Variants in CRIP1 observed in about 807,000 individuals in gnomAD.
The protein encoded by CRIP1 is cysteine-rich protein 1.
A neutral mutation model predicts 12.9 loss-of-function variants in CRIP1; 11 were observed. That is an observed-to-expected ratio of 0.86 (90% CI 0.54 to 1.42). The LOEUF is 1.42. Among genes scored for constraint, CRIP1 ranks in the 40% most tolerant of loss-of-function variants. CRIP1 has a pLI of 0.00. For missense variants in CRIP1, 122 were observed against 101.3 expected, an observed-to-expected ratio of 1.20 and a Z score of -0.88; for synonymous variants, 41 against 37.2, an observed-to-expected ratio of 1.10 and a Z score of -0.37.
In CRIP1 at chr14:105,487,295, C is replaced by G; in HGVS notation, c.36C>G (p.Tyr12Ter). The change falls in exon 2 of 6, where the codon TAC (tyrosine) becomes TAG (stop). Residue 12 changes from tyrosine to a stop codon, truncating the protein, a stop_gained. Transcript: ENST00000392531. LOFTEE classifies it high-confidence loss of function. ...PKCPKCNKEV[Y>*]FAERVTSLGK... is the part of the protein sequence containing the mutation. ...GTCCCAAGTGCAACAAGGAGGTGTA[C>G]TTCGGTGAGCGCGCCCACACCGGCC... The G allele has an allele frequency of 6.5e-7, 1 of 1,543,296 alleles. No individual in the cohort carries two copies. The highest frequency in any genetic ancestry group is 8.7e-7 in the Non-Finnish European group (1 of 1,144,038).
At chr14:105,488,086 C>T in intron 2 of CRIP1, 80 bp from the exon 3 acceptor site, 1 of 1,475,188 alleles carries the variant, frequency 6.8e-7, no homozygotes, top group Non-Finnish European at 9.3e-7. Context: ...GCAGAGCTGG[C>T]TGCAAGAGGC....
In CRIP1 at chr14:105,486,917, C is replaced by G; in HGVS notation, c.-117C>G. The G allele has an allele frequency of 8.9e-7, 1 of 1,122,086 alleles. No individual in the cohort carries two copies. The highest frequency in any genetic ancestry group is 1.1e-6 in the Non-Finnish European group (1 of 916,820). The allele number at this position is 1,122,086 out of a possible 1,614,324, so 69.5% of individuals were successfully genotyped here. A position where few individuals can be genotyped will look rare whatever the true frequency, so the allele number is the denominator to read the frequency against. On this transcript the variant is annotated 5_prime_UTR_variant, in exon 1 of 6. It adds an upstream start codon to the 5' untranslated region. Coordinates refer to ENST00000392531, the MANE Select transcript of CRIP1 (RefSeq NM_001311.5). ...CCTCGGAACTGGACCCGGGAGACAT[C>G]ACAGCGCTGGGCTAGGGGCGCGGCT...
Position 105,488,027 on chromosome 14 carries a change from G to A in CRIP1, c.41-139G>A, listed in dbSNP as rs587747471. The A allele has an allele frequency of 9.7e-5, 75 of 774,824 alleles. No homozygotes were observed. In the African/African-American group the frequency reaches 1.1e-3, roughly 12 times the overall value. The allele number at this position is 774,824 out of a possible 1,614,324, so 48.0% of individuals were successfully genotyped here. ...CTCATGGAGGGTGCTGAGACCTTAG[G>A]GTGGGCTGCCAGGCTGGGCGGATGC... On this transcript the variant is annotated intron_variant, in intron 2 of 5. Transcript: ENST00000392531.
intron 2 of CRIP1, chr14:105,487,547 C>T: frequency 2.1e-6 from 1 of 483,438 alleles, no homozygotes; most frequent in South Asian, 3.2e-5. Context: ...GCCTCCCCGT[C>T]TCTGGGTCCT....
Position 105,488,251 on chromosome 14 carries a change from C to A in CRIP1, c.126C>A (p.Gly42=), listed in dbSNP as rs2084143592. ...GTGGGAAGACGCTGACCTCTGGGGG[C>A]CACGCTGAGGTAGGTGGGACCCACC... is the stretch of plus-strand genomic sequence containing the variant. ...EKCGKTLTSG[G]HAEHEGKPYC... is the part of the protein sequence containing the mutation. The change falls in exon 3 of 6, where the codon GGC becomes GGA. Residue 42 remains glycine (G), a synonymous_variant. Transcript: ENST00000392531. The A allele has an allele frequency of 6.2e-7, 1 of 1,613,340 alleles. No homozygotes were observed. Among genetic ancestry groups the A allele is most frequent in the Non-Finnish European group, 8.5e-7 (1 of 1,180,022 alleles).
intron 1 of CRIP1, 73 bp downstream of exon 1, chr14:105,487,045 G>C: frequency 1.5e-6 from 2 of 1,359,040 alleles, no homozygotes; most frequent in South Asian, 3.5e-5. Flanking sequence ...GAAGGCGGGG[G>C]TGGACCAGAT....
rs1555438469 is a variant in CRIP1, at chr14:105,488,266, T to C, written c.135+6T>C. On this transcript the variant is annotated splice_donor_region_variant and intron_variant, in intron 3 of 5. Coordinates refer to ENST00000392531, the MANE Select transcript of CRIP1 (RefSeq NM_001311.5). The stretch of plus-strand genomic sequence containing the variant: ...CCTCTGGGGGCCACGCTGAGGTAGG[T>C]GGGACCCACCCTGGTGGCAGGGGCC... The C allele has an allele frequency of 1.9e-6, 3 of 1,613,418 alleles. No homozygotes were observed. The highest frequency in any genetic ancestry group is 2.5e-6 in the Non-Finnish European group (3 of 1,179,992).
Position 105,488,808 on chromosome 14 carries a change from C to T in CRIP1, c.*151C>T, listed in dbSNP as rs996170305. The T allele has an allele frequency of 8.1e-6, 4 of 493,436 alleles. No homozygotes were observed. Among genetic ancestry groups the T allele is most frequent in the African/African-American group, 3.8e-5 (2 of 52,192 alleles). The allele number at this position is 493,436 out of a possible 1,614,324, so 30.6% of individuals were successfully genotyped here. On this transcript the variant is annotated 3_prime_UTR_variant, in exon 6 of 6. Transcript: ENST00000392531. Reference sequence around the variant, plus strand: ...TGGAAAACCTGTGTGTGTACATGCGCGTGTGTGCTGGGGAGTGCCAAGGGA... The same window carrying T: ...TGGAAAACCTGTGTGTGTACATGCGTGTGTGTGCTGGGGAGTGCCAAGGGA...
intron 1 of CRIP1, 25 bp from the exon 2 acceptor site, chr14:105,487,174 C>T: frequency 1.3e-6 from 2 of 1,510,410 alleles, no homozygotes; most frequent in Admixed American, 2.2e-5. Context: ...CCCTGAAAGG[C>T]GCGGACCAGG....
At chr14:105,488,421 C>T (rs1555438540) in intron 4 of CRIP1, 33 bp downstream of exon 4, 4 of 1,606,342 alleles carry the variant, frequency 2.5e-6, no homozygotes, top group South Asian at 1.1e-5. Flanking sequence ...CCACCCCACC[C>T]CACAGCCTCC....
chr14:105,487,676 G>A, intron 2 of CRIP1: 1 of 205,982 alleles, frequency 4.9e-6, no homozygotes. Flanking sequence ...GGAAACCGAC[G>A]CCCGGGGCGC....
At chr14:105,488,111 T>G (rs1555438403) in intron 2 of CRIP1, 55 bp from the exon 3 acceptor site, 13 of 1,551,508 alleles carry the variant, frequency 8.4e-6, no homozygotes, top group Non-Finnish European at 9.7e-6. Flanking sequence ...ACGCCAGTGG[T>G]GGGTAGGCGC....
rs369446226 is a variant in CRIP1, at chr14:105,488,334, G to A, written c.139G>A (p.Glu47Lys). 53 of 1,613,408 alleles carry A rather than the reference G, an allele frequency of 3.3e-5. No individual in the cohort carries two copies. Among genetic ancestry groups the A allele is most frequent in the Non-Finnish European group, 3.7e-5 (44 of 1,180,014 alleles). Reference protein sequence around the residue: ...TLTSGGHAEHEGKPYCNHPCY... With the variant: ...TLTSGGHAEHKGKPYCNHPCY... Reference sequence around the variant, plus strand: ...CTCACGGCCCTTCTCTTTGCAGCACGAAGGCAAACCCTACTGCAACCACCC... The same window carrying A: ...CTCACGGCCCTTCTCTTTGCAGCACAAAGGCAAACCCTACTGCAACCACCC... The change falls in exon 4 of 6, where the codon GAA becomes AAA. Residue 47 changes from glutamate to lysine, a missense_variant. Physicochemically the swap from Glu to Lys is moderately conservative, Grantham distance 56. Transcript: ENST00000392531.
chr14:105,487,315 C>G lies in CRIP1; in HGVS notation c.40+16C>G, dbSNP rs1555438246. 1.9e-6 allele frequency: 3 copies of G among 1,538,684 alleles called. No homozygotes were observed. Among genetic ancestry groups the G allele is most frequent in the Non-Finnish European group, 2.6e-6 (3 of 1,141,816 alleles). ...GTGTACTTCGGTGAGCGCGCCCACA[C>G]CGGCCCCGCGAGGAGGCGCCGCCGA... On this transcript the variant is annotated intron_variant, in intron 2 of 5. Coordinates refer to ENST00000392531, the MANE Select transcript of CRIP1 (RefSeq NM_001311.5).
At position 105,486,972 on chromosome 14, in the gene CRIP1, A is replaced by T; in HGVS notation, c.-62A>T. 1 of 1,182,198 alleles carries T rather than the reference A, an allele frequency of 8.5e-7. No homozygotes were observed. The highest frequency in any genetic ancestry group is 1.0e-6 in the Non-Finnish European group (1 of 967,434). The allele number at this position is 1,182,198 out of a possible 1,614,324, so 73.2% of individuals were successfully genotyped here. On this transcript the variant is annotated splice_region_variant and 5_prime_UTR_variant, in exon 1 of 6. Coordinates refer to ENST00000392531, the MANE Select transcript of CRIP1 (RefSeq NM_001311.5). Reference sequence around the variant, plus strand: ...CTCGCCTAAAGAGCTGCGCCCTCTCAGTAAGTCCCCATGGCCCCCTGCCCC... The same window carrying T: ...CTCGCCTAAAGAGCTGCGCCCTCTCTGTAAGTCCCCATGGCCCCCTGCCCC...
At chr14:105,488,289 G>T (rs1555438476) in intron 3 of CRIP1, 29 bp downstream of exon 3, 5 of 1,613,378 alleles carry the variant, frequency 3.1e-6, no homozygotes, top group Non-Finnish European at 4.2e-6. Flanking sequence ...GGTGGCAGGG[G>T]CCAGGGGTGA....
rs1555438589 is a variant in CRIP1 at position 105,488,513 on chromosome 14, C to T, written c.*2C>T. 4.4e-6 allele frequency: 7 copies of T among 1,575,364 alleles called. No homozygotes were observed. In the East Asian group the frequency reaches 6.9e-5, roughly 16 times the overall value. The stretch of plus-strand genomic sequence containing the variant: ...GCCGAGAGCCACACTTTCAAGTAAA[C>T]CAGGTAGGTAGGACCCCACCCCCTA... On this transcript the variant is annotated 3_prime_UTR_variant, in exon 5 of 6. Transcript: ENST00000392531.
chr14:105,487,358 G>C (rs1354868018), intron 2 of CRIP1, 59 bp downstream of exon 2: 15 of 1,464,498 alleles, frequency 1.0e-5, no homozygotes, highest in African/African-American at 1.4e-5. Flanking sequence ...ACGAGGCTGG[G>C]GACCGCTCAG....
At chr14:105,488,569 G>C in intron 5 of CRIP1, 53 bp downstream of exon 5, 1 of 1,543,662 alleles carries the variant, frequency 6.5e-7, no homozygotes, top group Non-Finnish European at 8.8e-7. Flanking sequence ...CTCGGGATGG[G>C]GATGCCCCCT....
Sources: allele counts gnomAD v4.1 joint callset, GRCh38; gene constraint gnomAD v4.1.1; transcripts MANE v1.5; gene names NCBI Gene and HGNC (gene_info 2026-07-23, HGNC 2026-07-21).